ZNF804A: variants seen among roughly 807,000 people sequenced by gnomAD.
ZNF804A encodes zinc finger protein 804A.
Under a neutral mutation model 16.5 loss-of-function variants are expected in ZNF804A, and 2 were observed. The ratio of observed to expected loss-of-function variants is 0.12; its 90% CI spans 0.05 to 0.38. ZNF804A has a LOEUF of 0.38. Ranked by LOEUF, ZNF804A falls within the 10% of genes least tolerant of loss-of-function variation. ZNF804A has a pLI of 0.99. For missense variants in ZNF804A, 1,473 were observed against 1,390.7 expected (o/e 1.06, Z -0.94); for synonymous variants, 534 against 489.6 (o/e 1.09, Z -1.20).
chr2:184,671,512 T>C (rs1692338636), intron 1 of ZNF804A, among the ~76,000 whole-genome samples: 1 of 152,166 alleles, frequency 6.6e-6, no homozygotes, highest in African/African-American at 2.4e-5. Context: ...ACCTATCTTT[T>C]TAGGTTTTGG....
chr2:184,749,023 G>A (rs1693837686), intron 1 of ZNF804A, among the ~76,000 whole-genome samples: 1 of 151,494 alleles, frequency 6.6e-6, no homozygotes, highest in South Asian at 2.1e-4. Context: ...GTAGTGTGAT[G>A]CTTCTGGCTT....
intron 2 of ZNF804A, among the ~76,000 whole-genome samples, chr2:184,928,991 C>T (rs774467644): frequency 3.9e-5 from 6 of 152,184 alleles, no homozygotes; most frequent in Non-Finnish European, 8.8e-5. Context: ...TGAAGTTAAA[C>T]CCAGGTACTG....
Position 184,938,427 on chromosome 2 carries a change from C to T in ZNF804A, c.3031C>T (p.His1011Tyr). 1 of 1,614,092 alleles carries T rather than the reference C, an allele frequency of 6.2e-7. No homozygotes were observed. Among genetic ancestry groups the T allele is most frequent in the Non-Finnish European group, 8.5e-7 (1 of 1,180,018 alleles). ...TQPPLPFKEA[H>Y]VSGHTFVTAE... ...ACCACCATTACCATTCAAAGAAGCA[C>T]ATGTCAGTGGTCATACTTTTGTAAC... Residue 1011 changes from histidine to tyrosine, a missense_variant, in exon 4 of 4, where the codon CAT becomes TAT. Transcript: ENST00000302277.
At chr2:184,731,329 T>G (rs1195628563) in intron 1 of ZNF804A, among the ~76,000 whole-genome samples, 2 of 148,002 alleles carry the variant, frequency 1.4e-5, no homozygotes, top group Admixed American at 6.8e-5. Flanking sequence ...AAAGTGGTTG[T>G]GTCATTTTGC....
chr2:184,663,464 C>A (rs963337987), intron 1 of ZNF804A, among the ~76,000 whole-genome samples: 5 of 152,044 alleles, frequency 3.3e-5, no homozygotes, highest in Non-Finnish European at 7.4e-5. Flanking sequence ...GGGAGGGTGC[C>A]TCGGTGTGGG....
rs971763570 is a variant in ZNF804A, at chr2:184,736,940, G to T, written c.112-129429G>T. ...AGTGGTGGTATTTATGAACATTCTT[G>T]TGTTTTTTCTGTTTTAAAGAATATA... On this transcript the variant is annotated intron_variant, in intron 1 of 3. Coordinates refer to ENST00000302277, the MANE Select transcript of ZNF804A (RefSeq NM_194250.2). Among the ~76,000 whole-genome samples the T allele has an allele frequency of 5.4e-5, 8 of 146,998 alleles. No individual in the cohort carries two copies. In the East Asian group the frequency reaches 1.4e-3, roughly 26 times the overall value.
At chr2:184,638,146 T>C (rs552006599) in intron 1 of ZNF804A, among the ~76,000 whole-genome samples, 5 of 152,220 alleles carry the variant, frequency 3.3e-5, no homozygotes, top group African/African-American at 4.8e-5. Context: ...AATATAGAGC[T>C]GTTAGGTTTG....
chr2:184,602,261 A>G (rs1302299550), intron 1 of ZNF804A, among the ~76,000 whole-genome samples: 1 of 151,962 alleles, frequency 6.6e-6, no homozygotes, highest in Non-Finnish European at 1.5e-5. Context: ...TCATTTTGCA[A>G]TGTCTTACAA....
intron 1 of ZNF804A, among the ~76,000 whole-genome samples, chr2:184,680,919 A>G (rs1211945765): frequency 2.6e-5 from 4 of 152,128 alleles, no homozygotes; most frequent in African/African-American, 4.8e-5. Context: ...GCAACCAGGC[A>G]TCACTGTGCC....
At chr2:184,757,104 ACT>A (rs1693970576) in intron 1 of ZNF804A, among the ~76,000 whole-genome samples, 1 of 151,658 alleles carries the variant, frequency 6.6e-6, no homozygotes, top group South Asian at 2.1e-4. Context: ...TACATGATAA[ACT>A]CTTTCAGTTT....
chr2:184,642,732 G>A (rs1691812429), intron 1 of ZNF804A, among the ~76,000 whole-genome samples: 1 of 152,174 alleles, frequency 6.6e-6, no homozygotes, highest in African/African-American at 2.4e-5. Context: ...CACATTTTAA[G>A]GATAACAATT....
chr2:184,799,271 T>C (rs1558965128), intron 1 of ZNF804A, among the ~76,000 whole-genome samples: 1 of 152,092 alleles, frequency 6.6e-6, no homozygotes, highest in Non-Finnish European at 1.5e-5. Context: ...TAGTTCTGCC[T>C]CTCATCCGCC....
intron 1 of ZNF804A, among the ~76,000 whole-genome samples, chr2:184,756,115 C>A (rs537245796): frequency 6.6e-6 from 1 of 152,032 alleles, no homozygotes; most frequent in South Asian, 2.1e-4. Flanking sequence ...TTTTTTTCCT[C>A]AGTATTTATA....
At chr2:184,855,346 T>C (rs1371384025) in intron 1 of ZNF804A, among the ~76,000 whole-genome samples, 1 of 152,112 alleles carries the variant, frequency 6.6e-6, no homozygotes, top group East Asian at 1.9e-4. Flanking sequence ...TTCCCATTGG[T>C]TTCACAAACC....
chr2:184,819,405 G>A (rs1574226924), intron 1 of ZNF804A, among the ~76,000 whole-genome samples: 1 of 151,968 alleles, frequency 6.6e-6, no homozygotes, highest in East Asian at 1.9e-4. Context: ...GAATCTCTGG[G>A]ACACAGCTAA....
At chr2:184,792,442 T>C (rs571068722) in intron 1 of ZNF804A, among the ~76,000 whole-genome samples, 1 of 152,332 alleles carries the variant, frequency 6.6e-6, no homozygotes, top group South Asian at 2.1e-4. Flanking sequence ...AGATCCTTTT[T>C]TGCCATCTGT....
At chr2:184,742,224 A>G (rs1693719079) in intron 1 of ZNF804A, among the ~76,000 whole-genome samples, 2 of 152,030 alleles carry the variant, frequency 1.3e-5, no homozygotes, top group Admixed American at 1.3e-4. Context: ...TTCAATCATT[A>G]TGATAATAAG....
chr2:184,843,931 T>G (rs1370694261), intron 1 of ZNF804A, among the ~76,000 whole-genome samples: 1 of 152,128 alleles, frequency 6.6e-6, no homozygotes, highest in Non-Finnish European at 1.5e-5. Context: ...TGTTTTGTAT[T>G]TGTTGTATTT....
intron 2 of ZNF804A, among the ~76,000 whole-genome samples, chr2:184,894,862 T>C (rs1279945810): frequency 6.6e-6 from 1 of 151,972 alleles, no homozygotes; most frequent in Non-Finnish European, 1.5e-5. Flanking sequence ...ATTTTTTGTA[T>C]TTTTTTGTTT....
Sources: gnomAD v4.1 joint callset for allele counts (sites outside exome capture counted in the v4.1 genomes callset) on GRCh38, gnomAD v4.1.1 for gene constraint, MANE v1.5 for transcripts, NCBI Gene and HGNC (gene_info 2026-07-23, HGNC 2026-07-21) for gene names.